RNF111: variants seen among roughly 807,000 people sequenced by gnomAD.
The protein encoded by RNF111 is E3 ubiquitin-protein ligase Arkadia.
A neutral mutation model predicts 95.1 loss-of-function variants in RNF111; 17 were observed. The ratio of observed to expected loss-of-function variants is 0.18; its 90% CI spans 0.12 to 0.27. The LOEUF (loss-of-function observed/expected upper bound fraction) is 0.27. Ranked by LOEUF, RNF111 falls within the 10% of genes least tolerant of loss-of-function variation. The pLI is 1.00. For missense variants in RNF111, 1,189 were observed against 1,210.4 expected, an observed-to-expected ratio of 0.98 and a Z score of 0.26; for synonymous variants, 440 against 414.8, an observed-to-expected ratio of 1.06 and a Z score of -0.74.
Position 59,055,682 on chromosome 15 carries a change from G to T in RNF111, c.1008G>T (p.Arg336=). 6.3e-7 allele frequency: 1 copy of T among 1,598,564 alleles called. No individual in the cohort carries two copies. Residue 336 remains arginine (R), a splice_region_variant and synonymous_variant, in exon 4 of 14, where the codon CGG becomes CGT. Coordinates refer to ENST00000348370, the MANE Select transcript of RNF111 (RefSeq NM_017610.8). ...TAACTTAATATTGATGTCATTTAAG[G>T]TCTCGTTCAACCCTTGGACACTCCA... is the stretch of plus-strand genomic sequence containing the variant. ...VEIVTVGESY[R]SRSTLGHSRS... is the part of the protein sequence containing the mutation.
intron 6 of RNF111, 79 bp from the exon 7 acceptor site, chr15:59,075,875 A>G: frequency 6.9e-7 from 1 of 1,454,460 alleles, no homozygotes; most frequent in Non-Finnish European, 9.3e-7. Flanking sequence ...TTTTGGTTAT[A>G]TTAGGAATAC....
chr15:59,052,266 A>G (rs757228855), intron 2 of RNF111, 39 bp from the exon 3 acceptor site: 1 of 1,500,128 alleles, frequency 6.7e-7, no homozygotes, highest in East Asian at 2.4e-5. Flanking sequence ...ATTAGCTGAC[A>G]GGAAGATGCC....
At chr15:59,086,520 A>G (rs185168212) in intron 10 of RNF111, among the ~76,000 whole-genome samples, 1 of 152,346 alleles carries the variant, frequency 6.6e-6, no homozygotes, top group African/African-American at 2.4e-5. Context: ...CAAAACATAC[A>G]TTGCGTTTGC....
At chr15:59,074,701 TATC>T (rs754823110) in intron 6 of RNF111, among the ~76,000 whole-genome samples, 2 of 152,214 alleles carry the variant, frequency 1.3e-5, no homozygotes, top group Non-Finnish European at 2.9e-5. Flanking sequence ...TTCAGTTTCT[TATC>T]ATTTGTGTGT....
At chr15:58,995,399 T>G (rs1472416410) in intron 1 of RNF111, among the ~76,000 whole-genome samples, 1 of 152,182 alleles carries the variant, frequency 6.6e-6, no homozygotes, top group Non-Finnish European at 1.5e-5. Context: ...ATGTTCAAAT[T>G]GTCCCAGATT....
At chr15:59,057,576 C>A (rs2042249824) in intron 4 of RNF111, among the ~76,000 whole-genome samples, 1 of 152,146 alleles carries the variant, frequency 6.6e-6, no homozygotes, top group African/African-American at 2.4e-5. Context: ...AAAATTAGTT[C>A]TTTGAAACTT....
Position 59,009,397 on chromosome 15 carries a change from T to TA in RNF111, c.-20+21329_-20+21330insA, listed in dbSNP as rs570666787. 2.0e-4 allele frequency among the ~76,000 whole-genome samples: 31 copies of TA among 152,120 alleles called. No individual in the cohort carries two copies. In the East Asian group the frequency reaches 3.7e-3, roughly 18 times the overall value. On this transcript the variant is annotated intron_variant, in intron 1 of 13. Transcript: ENST00000348370. ...AAGATGCTAGTAGAACCCACTTTAT[T>TA]CCATTGTGCTTTTTACAAGTGACCA...
chr15:59,007,990 G>A (rs754807351), intron 1 of RNF111, among the ~76,000 whole-genome samples: 6 of 152,096 alleles, frequency 3.9e-5, no homozygotes, highest in East Asian at 1.9e-4. Flanking sequence ...TCTGAAGAGC[G>A]GAGGTTTTGA....
Position 59,052,188 on chromosome 15 carries a change from G to T in RNF111, c.881-117G>T, listed in dbSNP as rs977986264. On this transcript the variant is annotated intron_variant, in intron 2 of 13. Coordinates refer to ENST00000348370, the MANE Select transcript of RNF111 (RefSeq NM_017610.8). ...ATTTTTTTAAAAAACCTTTTTGACAGATAAGATTTTTATTTTTGCAATGAA... is the reference window on the plus strand; with the variant it reads ...ATTTTTTTAAAAAACCTTTTTGACATATAAGATTTTTATTTTTGCAATGAA... 1.4e-5 allele frequency: 13 copies of T among 926,388 alleles called. No homozygotes were observed. The African/African-American group carries it at 1.9e-4, about 13-fold the overall frequency. The allele number at this position is 926,388 out of a possible 1,614,324, so 57.4% of individuals were successfully genotyped here.
At position 59,014,691 on chromosome 15, in the gene RNF111, T is replaced by C. The variant is rs374621809; in HGVS notation, c.-19-16113T>C. 8.5e-5 allele frequency among the ~76,000 whole-genome samples: 13 copies of C among 152,068 alleles called. No individual in the cohort carries two copies. In the East Asian group the frequency reaches 2.5e-3, roughly 29 times the overall value. ...TCTCTTTGGGTGCAGAAAGAAAGCA[T>C]GTTATCAGGAAAACTGCCATGAACA... On this transcript the variant is annotated intron_variant, in intron 1 of 13. Coordinates refer to ENST00000348370, the MANE Select transcript of RNF111 (RefSeq NM_017610.8).
intron 2 of RNF111, among the ~76,000 whole-genome samples, chr15:59,040,584 A>G (rs1394063173): frequency 6.6e-6 from 1 of 152,196 alleles, no homozygotes; most frequent in Admixed American, 6.5e-5. Flanking sequence ...CTTACACTGA[A>G]AACTCTGATT....
intron 6 of RNF111, among the ~76,000 whole-genome samples, chr15:59,067,971 T>C (rs557920548): frequency 3.5e-4 from 54 of 152,376 alleles, no homozygotes; most frequent in African/African-American, 1.2e-3. Context: ...GGTATTATTA[T>C]TGAGTTCGCA....
At chr15:58,998,146 G>A (rs562839820) in intron 1 of RNF111, among the ~76,000 whole-genome samples, 22 of 151,834 alleles carry the variant, frequency 1.4e-4, no homozygotes, top group African/African-American at 4.3e-4. Flanking sequence ...CTCGTGATCC[G>A]CCAGCCTCGG....
At chr15:59,084,971 C>T (rs1184003300) in intron 9 of RNF111, among the ~76,000 whole-genome samples, 1 of 152,168 alleles carries the variant, frequency 6.6e-6, no homozygotes, top group African/African-American at 2.4e-5. Flanking sequence ...CTCAGATTTG[C>T]TCCACCACCC....
chr15:59,067,266 A>C (rs1458159090), intron 6 of RNF111, among the ~76,000 whole-genome samples, 183 bp downstream of exon 6: 93 of 110,960 alleles, frequency 8.4e-4, no homozygotes, highest in Admixed American at 8.5e-4. Context: ...ACTCCCTCCC[A>C]TTCTTCCTTC....
In RNF111 at chr15:59,095,730, AT is replaced by A. The variant is rs764838039; in HGVS notation, c.*833del. The A allele has an allele frequency of 2.3e-4, 72 of 319,630 alleles. No individual in the cohort carries two copies. The highest frequency in any genetic ancestry group is 3.5e-4 in the Non-Finnish European group (62 of 177,244). 19.8% of individuals were successfully genotyped at this position (319,630 alleles called of 1,614,324 possible). On this transcript the variant is annotated 3_prime_UTR_variant, in exon 14 of 14. Transcript: ENST00000348370. Reference sequence around the variant, plus strand: ...TTAGCTAGATTGTACATACTTGCAGATTTAACAAAATTTTAGGGAAATTGAA... The same window carrying A: ...TTAGCTAGATTGTACATACTTGCAGATTAACAAAATTTTAGGGAAATTGAA...
chr15:59,092,433 A>G lies in RNF111; in HGVS notation c.2740-104A>G, dbSNP rs565984788. On this transcript the variant is annotated intron_variant, in intron 12 of 13. Coordinates refer to ENST00000348370, the MANE Select transcript of RNF111 (RefSeq NM_017610.8). ...ACCTGGGAAAAAAGTGCGGGTGAATATGTGGTTTTGTTTTGTTTTGTTTTT... is the reference window on the plus strand; with the variant it reads ...ACCTGGGAAAAAAGTGCGGGTGAATGTGTGGTTTTGTTTTGTTTTGTTTTT... The G allele has an allele frequency of 3.4e-4, 430 of 1,254,728 alleles. 1 individual carries two copies. The highest frequency in any genetic ancestry group is 2.0e-3 in the Middle Eastern group (10 of 5,104). 77.7% of individuals were successfully genotyped at this position (1,254,728 alleles called of 1,614,324 possible). A position where few individuals can be genotyped will look rare whatever the true frequency, so the allele number is the denominator to read the frequency against.
chr15:59,084,339 G>C, intron 9 of RNF111, 85 bp downstream of exon 9: 2 of 1,297,696 alleles, frequency 1.5e-6, no homozygotes, highest in Non-Finnish European at 2.0e-6. Flanking sequence ...TGATTGCTTT[G>C]CAGAAGGATG....
chr15:59,068,859 G>A lies in RNF111; in HGVS notation c.1686+1776G>A, dbSNP rs1363110889. Among the ~76,000 whole-genome samples, 4 of 151,898 alleles carry A rather than the reference G, an allele frequency of 2.6e-5. No individual in the cohort carries two copies. In the East Asian group the frequency reaches 5.8e-4, roughly 22 times the overall value. On this transcript the variant is annotated intron_variant, in intron 6 of 13. Transcript: ENST00000348370. Reference sequence around the variant, plus strand: ...TGGGAGGCCAAAGTGGGTGGATCACGAGATCAGGAGTTCGAGACCAGCCTG... The same window carrying A: ...TGGGAGGCCAAAGTGGGTGGATCACAAGATCAGGAGTTCGAGACCAGCCTG...
Sources: gnomAD v4.1 joint callset for allele counts (sites outside exome capture counted in the v4.1 genomes callset) on GRCh38, gnomAD v4.1.1 for gene constraint, MANE v1.5 for transcripts, NCBI Gene and HGNC (gene_info 2026-07-23, HGNC 2026-07-21) for gene names.